The following MTSS1 variants were observed in gnomAD, a reference collection of about 807,000 sequenced individuals.
The protein encoded by MTSS1 is protein MTSS 1.
MTSS1 carries 18 observed loss-of-function variants against 79.0 expected under a neutral mutation model. That is an observed-to-expected ratio of 0.23 (90% CI 0.16 to 0.34). The LOEUF is 0.34. MTSS1 is among the 10% of genes least tolerant of loss of function. The pLI, the probability that MTSS1 is intolerant of heterozygous loss-of-function variation, is 1.00. For synonymous variants in MTSS1, 341 were observed against 368.6 expected (o/e 0.93, Z 0.86); for missense variants, 815 against 986.2 (o/e 0.83, Z 2.33).
At chr8:124,573,629 C>A (rs1025116934) in intron 6 of MTSS1, among the ~76,000 whole-genome samples, 1 of 152,228 alleles carries the variant, frequency 6.6e-6, no homozygotes, top group Non-Finnish European at 1.5e-5. Context: ...TGGCCTCAAC[C>A]ATCATTCCCT....
At chr8:124,620,658 G>GATTTT (rs1813319048) in intron 3 of MTSS1, among the ~76,000 whole-genome samples, 1 of 152,112 alleles carries the variant, frequency 6.6e-6, no homozygotes, top group Non-Finnish European at 1.5e-5. Context: ...TAAGTACACC[G>GATTTT]ATTTTATTGC....
intron 6 of MTSS1, among the ~76,000 whole-genome samples, chr8:124,571,683 A>G (rs1186378333): frequency 1.3e-5 from 2 of 152,162 alleles, no homozygotes; most frequent in African/African-American, 2.4e-5. Context: ...ACAGCCTATG[A>G]GGCCGGGAAC....
chr8:124,572,496 C>T (rs868591311), intron 6 of MTSS1, among the ~76,000 whole-genome samples: 5 of 152,078 alleles, frequency 3.3e-5, no homozygotes, highest in Non-Finnish European at 7.3e-5. Flanking sequence ...TATACAAAAG[C>T]CCATTCTCTT....
chr8:124,708,208 C>T (rs149546133), intron 1 of MTSS1, among the ~76,000 whole-genome samples: 1 of 152,168 alleles, frequency 6.6e-6, no homozygotes, highest in African/African-American at 2.4e-5. Context: ...TATTTGACCT[C>T]TGCATGGGTT....
At chr8:124,572,817 G>A (rs1828112022) in intron 6 of MTSS1, among the ~76,000 whole-genome samples, 2 of 146,922 alleles carry the variant, frequency 1.4e-5, no homozygotes, top group Admixed American at 1.4e-4. Flanking sequence ...CGTGATCTCA[G>A]CTCACTGCAA....
At chr8:124,712,648 C>T (rs747450891) in intron 1 of MTSS1, among the ~76,000 whole-genome samples, 1 of 152,168 alleles carries the variant, frequency 6.6e-6, no homozygotes, top group Non-Finnish European at 1.5e-5. Context: ...GGCTTTTATT[C>T]TCTGATTGGG....
chr8:124,694,861 C>T (rs1418329086), intron 3 of MTSS1, among the ~76,000 whole-genome samples: 5 of 152,194 alleles, frequency 3.3e-5, no homozygotes, highest in South Asian at 4.2e-4. Flanking sequence ...TACAGAAAAT[C>T]GTACTTTCAT....
At chr8:124,678,991 T>C (rs757240427) in intron 3 of MTSS1, among the ~76,000 whole-genome samples, 10 of 152,262 alleles carry the variant, frequency 6.6e-5, no homozygotes, top group Non-Finnish European at 1.3e-4. Flanking sequence ...GGAGTAGCTC[T>C]GGAGCATGAA....
At chr8:124,644,226 G>A (rs115645453) in intron 3 of MTSS1, among the ~76,000 whole-genome samples, 8 of 152,314 alleles carry the variant, frequency 5.3e-5, no homozygotes, top group African/African-American at 1.7e-4. Flanking sequence ...TGAAATGCAT[G>A]AGCAGCACAT....
In MTSS1 at chr8:124,598,024, A is replaced by G. The variant is rs571861826; in HGVS notation, c.209-6789T>C. ...CATGATGGCCATGCCTATAATCCCA[A>G]CACTCTGGAAGGCTGAGGCAGGAGG... On this transcript the variant is annotated intron_variant, in intron 3 of 13. Coordinates refer to ENST00000518547, the MANE Select transcript of MTSS1 (RefSeq NM_014751.6). Among the ~76,000 whole-genome samples the G allele has an allele frequency of 1.1e-4, 17 of 152,258 alleles. No homozygotes were observed. In the South Asian group the frequency reaches 2.1e-3, roughly 19 times the overall value.
chr8:124,551,314 G>C lies in MTSS1; in HGVS notation c.*1678C>G, dbSNP rs1472071434. 1.3e-5 allele frequency: 2 copies of C among 152,594 alleles called. No homozygotes were observed. Among genetic ancestry groups the C allele is most frequent in the Non-Finnish European group, 2.9e-5 (2 of 68,028 alleles). The allele number at this position is 152,594 out of a possible 1,614,324, so 9.5% of individuals were successfully genotyped here. A position where few individuals can be genotyped will look rare whatever the true frequency, so the allele number is the denominator to read the frequency against. On this transcript the variant is annotated 3_prime_UTR_variant, in exon 14 of 14. Transcript: ENST00000518547. Reference sequence around the variant, plus strand: ...TACTGTTGTTTATATTCTGTAAAAGGAGCTTGTTTTTCAAAGAAAAAAGCT... The same window carrying C: ...TACTGTTGTTTATATTCTGTAAAAGCAGCTTGTTTTTCAAAGAAAAAAGCT...
chr8:124,697,104 A>C (rs1457185829), intron 3 of MTSS1, among the ~76,000 whole-genome samples: 2 of 152,302 alleles, frequency 1.3e-5, no homozygotes, highest in African/African-American at 2.4e-5. Flanking sequence ...TTCCCACTAC[A>C]GGAACTTATG....
At chr8:124,678,191 A>G (rs1194619561) in intron 3 of MTSS1, among the ~76,000 whole-genome samples, 2 of 152,164 alleles carry the variant, frequency 1.3e-5, no homozygotes, top group Admixed American at 6.6e-5. Flanking sequence ...GATAGTATAC[A>G]TATTTATGGC....
intron 6 of MTSS1, among the ~76,000 whole-genome samples, chr8:124,579,406 G>A (rs921660150): frequency 2.0e-5 from 3 of 152,178 alleles, no homozygotes; most frequent in Admixed American, 1.3e-4. Context: ...GGTGTCTTTC[G>A]GGGATAATGA....
rs3116120 is a variant in MTSS1, at chr8:124,683,037, T to C, written c.208+16489A>G. Among the ~76,000 whole-genome samples the C allele has an allele frequency of 6.6e-6, 1 of 152,164 alleles. No individual in the cohort carries two copies. Among genetic ancestry groups the C allele is most frequent in the Non-Finnish European group, 1.5e-5 (1 of 68,022 alleles). On this transcript the variant is annotated intron_variant, in intron 3 of 13. Coordinates refer to ENST00000518547, the MANE Select transcript of MTSS1 (RefSeq NM_014751.6). The surrounding 1 kb of genome is among the most constrained non-coding windows in gnomAD (Gnocchi z 4.5). ...TATGACCTTTTCAGACCATCTTGGT[T>C]CCTCTCCTGATGTTTCCTAAAGTAG...
intron 3 of MTSS1, among the ~76,000 whole-genome samples, chr8:124,600,011 C>T (rs1218165730): frequency 1.3e-5 from 2 of 148,630 alleles, no homozygotes; most frequent in African/African-American, 5.0e-5. Context: ...GTCTGCCTGG[C>T]GTAGGCTCAA....
intron 3 of MTSS1, among the ~76,000 whole-genome samples, chr8:124,666,263 A>G (rs1823053322): frequency 6.6e-6 from 1 of 152,250 alleles, no homozygotes; most frequent in African/African-American, 2.4e-5. Context: ...GAATAAATGG[A>G]CACATGACTG....
At chr8:124,636,646 T>C (rs774822277) in intron 3 of MTSS1, among the ~76,000 whole-genome samples, 9 of 152,174 alleles carry the variant, frequency 5.9e-5, no homozygotes, top group Non-Finnish European at 1.2e-4. Context: ...GGCCTCATAC[T>C]CCTGCTCAGG....
chr8:124,640,691 C>T (rs1413442130), intron 3 of MTSS1, among the ~76,000 whole-genome samples: 1 of 152,034 alleles, frequency 6.6e-6, no homozygotes, highest in African/African-American at 2.4e-5. Flanking sequence ...CTACAGGTGC[C>T]CGCCCCCATG....
Sources: gnomAD v4.1 joint callset for allele counts (sites outside exome capture counted in the v4.1 genomes callset) on GRCh38, gnomAD v4.1.1 for gene constraint, Gnocchi (gnomAD v3.1) non-coding constraint, MANE v1.5 for transcripts, NCBI Gene and HGNC (gene_info 2026-07-23, HGNC 2026-07-21) for gene names.